KCNIP1: variants seen among roughly 807,000 people sequenced by gnomAD.
KCNIP1 encodes potassium voltage-gated channel interacting protein 1, also known as A-type potassium channel modulatory protein KCNIP1.
KCNIP1 carries 18 observed loss-of-function variants against 33.0 expected under a neutral mutation model. That is an observed-to-expected ratio of 0.55 (90% confidence interval 0.38 to 0.81). KCNIP1 has a LOEUF of 0.81. Among genes scored for constraint, KCNIP1 ranks in the 30% least tolerant of loss-of-function variants. The probability of loss-of-function intolerance (pLI) is 0.00; values close to 1 mark genes in which losing one functional copy is unlikely to be tolerated. For missense variants in KCNIP1, 238 were observed against 271.6 expected (o/e 0.88, Z 0.87); for synonymous variants, 93 against 98.3 (o/e 0.95, Z 0.32).
chr5:170,471,404 A>C (rs968938492), intron 1 of KCNIP1, among the ~76,000 whole-genome samples: 1 of 152,246 alleles, frequency 6.6e-6, no homozygotes, highest in African/African-American at 2.4e-5. Context: ...CAATGTCTGC[A>C]GACCAGATCG....
chr5:170,655,604 C>T (rs1261912542), intron 1 of KCNIP1, among the ~76,000 whole-genome samples: 1 of 152,180 alleles, frequency 6.6e-6, no homozygotes, highest in African/African-American at 2.4e-5. Context: ...GCAAAGCTGA[C>T]TTCTTCCCCA....
At chr5:170,678,115 G>C (rs191988067) in intron 1 of KCNIP1, among the ~76,000 whole-genome samples, 165 of 152,348 alleles carry the variant, frequency 1.1e-3, no homozygotes, top group African/African-American at 3.7e-3. Context: ...GTTACATGTA[G>C]AGAGATTTGT....
intron 1 of KCNIP1, among the ~76,000 whole-genome samples, chr5:170,707,314 ATGC>A (rs1763291064): frequency 6.6e-6 from 1 of 152,172 alleles, no homozygotes; most frequent in Non-Finnish European, 1.5e-5. Context: ...CTGGACTAAA[ATGC>A]TGCTGCAGTG....
chr5:170,359,162 C>T (rs1763434202), intron 1 of KCNIP1, among the ~76,000 whole-genome samples: 1 of 152,200 alleles, frequency 6.6e-6, no homozygotes, highest in Non-Finnish European at 1.5e-5. Flanking sequence ...GGCAGGTGTG[C>T]AGGCCCAAAG....
intron 1 of KCNIP1, chr5:170,389,342 A>G (rs933532847): frequency 1.1e-4 from 16 of 144,966 alleles, no homozygotes; most frequent in Admixed American, 4.2e-4. Flanking sequence ...AAGAGGCCAC[A>G]GAGCTTCAGC....
chr5:170,638,393 C>G (rs577121987), intron 1 of KCNIP1, among the ~76,000 whole-genome samples: 1 of 152,310 alleles, frequency 6.6e-6, no homozygotes, highest in Non-Finnish European at 1.5e-5. Flanking sequence ...TGCAGCATCC[C>G]CAGTTCTCAG....
intron 1 of KCNIP1, among the ~76,000 whole-genome samples, chr5:170,434,174 T>C (rs1289258192): frequency 6.6e-6 from 1 of 152,180 alleles, no homozygotes; most frequent in Non-Finnish European, 1.5e-5. Flanking sequence ...TTGTTTTCTA[T>C]AACATGGGAA....
intron 1 of KCNIP1, among the ~76,000 whole-genome samples, chr5:170,532,047 C>T (rs1755807929): frequency 6.6e-6 from 1 of 152,218 alleles, no homozygotes. Flanking sequence ...GCCAACTCCT[C>T]CATGACCTCT....
At chr5:170,539,871 G>A (rs1756130999) in intron 1 of KCNIP1, among the ~76,000 whole-genome samples, 1 of 152,150 alleles carries the variant, frequency 6.6e-6, no homozygotes, top group Non-Finnish European at 1.5e-5. Flanking sequence ...GTTTAAATGT[G>A]TCTTCTAAGC....
chr5:170,542,071 C>T (rs1756230689), intron 1 of KCNIP1, among the ~76,000 whole-genome samples: 1 of 152,180 alleles, frequency 6.6e-6, no homozygotes, highest in Non-Finnish European at 1.5e-5. Context: ...CACCCGGGCT[C>T]CTAGCCATAC....
chr5:170,572,397 G>A (rs1335303245), intron 1 of KCNIP1, among the ~76,000 whole-genome samples: 1 of 152,204 alleles, frequency 6.6e-6, no homozygotes, highest in Non-Finnish European at 1.5e-5. Flanking sequence ...TACCCGGAAT[G>A]CACCGAATGG....
intron 1 of KCNIP1, chr5:170,375,850 TCAGTTTCGTTTTGCAAACGAGGAAA>T (rs1220246699): frequency 9.2e-5 from 14 of 152,238 alleles, no homozygotes; most frequent in Non-Finnish European, 1.9e-4. Flanking sequence ...GATACTATTA[TCAGTTTCGTTTTGCAAACGAGGAAA>T]CAGGCACAGA....
At chr5:170,597,847 A>C (rs1758519358) in intron 1 of KCNIP1, among the ~76,000 whole-genome samples, 1 of 142,158 alleles carries the variant, frequency 7.0e-6, no homozygotes. Flanking sequence ...AAGAAAGAAA[A>C]GAGAGAGAGA....
At chr5:170,735,570 G>A (rs1169419643) in intron 7 of KCNIP1, among the ~76,000 whole-genome samples, 189 bp from the exon 8 acceptor site, 9 of 152,082 alleles carry the variant, frequency 5.9e-5, no homozygotes, top group African/African-American at 1.9e-4. Context: ...TCCTCTTTAA[G>A]GCTACAGGTG....
At chr5:170,414,615 C>T (rs1473233109) in intron 1 of KCNIP1, among the ~76,000 whole-genome samples, 1 of 152,232 alleles carries the variant, frequency 6.6e-6, no homozygotes. Context: ...CAAAATCATT[C>T]ATTGCTCAAT....
At chr5:170,729,914 G>A (rs987921035) in intron 5 of KCNIP1, among the ~76,000 whole-genome samples, 36 of 152,008 alleles carry the variant, frequency 2.4e-4, no homozygotes, top group Non-Finnish European at 3.8e-4. Flanking sequence ...AGACTTAAAA[G>A]CAAGAAGAGT....
intron 1 of KCNIP1, among the ~76,000 whole-genome samples, chr5:170,442,650 G>A (rs73800678): frequency 2.4e-4 from 37 of 152,028 alleles, no homozygotes; most frequent in African/African-American, 8.4e-4. Flanking sequence ...AAGACAATCT[G>A]GAGAAGACAT....
At chr5:170,400,992 C>G (rs1270301380) in intron 1 of KCNIP1, among the ~76,000 whole-genome samples, 3 of 152,176 alleles carry the variant, frequency 2.0e-5, no homozygotes, top group African/African-American at 4.8e-5. Flanking sequence ...ATCTCTGGAG[C>G]CTTAAGTTTC....
Position 170,735,927 on chromosome 5 carries a change from T to C in KCNIP1, c.*121T>C, listed in dbSNP as rs1764373706. 1 of 819,328 alleles carries C rather than the reference T, an allele frequency of 1.2e-6. No individual in the cohort carries two copies. 50.8% of individuals were successfully genotyped at this position (819,328 alleles called of 1,614,324 possible). The stretch of plus-strand genomic sequence containing the variant: ...CTTGGGACAGAAACACCTTTTACAC[T>C]TTGGAAGAATTCTCTGCTGAAGACT... On this transcript the variant is annotated 3_prime_UTR_variant, in exon 8 of 8. Transcript: ENST00000328939.
Sources: allele counts gnomAD v4.1 joint callset (sites outside exome capture counted in the v4.1 genomes callset), GRCh38; gene constraint gnomAD v4.1.1; transcripts MANE v1.5; gene names NCBI Gene and HGNC (gene_info 2026-07-23, HGNC 2026-07-21).